Variants in GATAD2B observed in about 807,000 individuals in gnomAD.
GATAD2B encodes the protein GATA zinc finger domain containing 2B.
In GATAD2B, 8 loss-of-function variants were observed where a neutral mutation model predicts 64.3. The observed-to-expected ratio is 0.12, with a 90% CI of 0.07 to 0.22. GATAD2B has a LOEUF of 0.22. Among genes scored for constraint, GATAD2B ranks in the 10% least tolerant of loss-of-function variants. The probability of loss-of-function intolerance (pLI) is 1.00; values close to 1 mark genes in which losing one functional copy is unlikely to be tolerated. For missense variants in GATAD2B, 453 were observed against 752.0 expected (o/e 0.60, Z 4.65); for synonymous variants, 281 against 271.3 (o/e 1.04, Z -0.35).
chr1:153,821,290 T>TG (rs1374328744), intron 2 of GATAD2B, among the ~76,000 whole-genome samples: 1 of 152,038 alleles, frequency 6.6e-6, no homozygotes, highest in Non-Finnish European at 1.5e-5. Flanking sequence ...AGCCAGGACA[T>TG]GGATACTTTT....
chr1:153,903,392 C>A (rs937461398), intron 1 of GATAD2B, among the ~76,000 whole-genome samples: 1 of 152,122 alleles, frequency 6.6e-6, no homozygotes, highest in Non-Finnish European at 1.5e-5. Context: ...AAACTCATAT[C>A]ATTGCTCAGA....
intron 1 of GATAD2B, among the ~76,000 whole-genome samples, chr1:153,915,155 G>A (rs905676322): frequency 6.6e-6 from 1 of 152,044 alleles, no homozygotes; most frequent in South Asian, 2.1e-4. Context: ...CCCGGGAGGC[G>A]GTGGCTCACG....
chr1:153,857,564 T>C (rs553004133), intron 1 of GATAD2B, among the ~76,000 whole-genome samples: 1 of 152,256 alleles, frequency 6.6e-6, no homozygotes, highest in Non-Finnish European at 1.5e-5. Flanking sequence ...TTCACATTGA[T>C]AAAATATGTA....
Position 153,809,236 on chromosome 1 carries a change from A to C in GATAD2B, c.*941T>G, listed in dbSNP as rs1674207033. ...TTAAAAGCAGGGTGGGGTGAGGGAG[A>C]ATTTTACAAAGAATACAAGATGAAA... On this transcript the variant is annotated 3_prime_UTR_variant, in exon 11 of 11. Coordinates refer to ENST00000368655, the MANE Select transcript of GATAD2B (RefSeq NM_020699.4). 1 of 152,106 alleles carries C rather than the reference A, an allele frequency of 6.6e-6. No individual in the cohort carries two copies. Among genetic ancestry groups the C allele is most frequent in the African/African-American group, 2.4e-5 (1 of 41,398 alleles). 9.4% of individuals were successfully genotyped at this position (152,106 alleles called of 1,614,324 possible). A position where few individuals can be genotyped will look rare whatever the true frequency, so the allele number is the denominator to read the frequency against.
chr1:153,864,626 GAGA>G (rs1174306843), intron 1 of GATAD2B, among the ~76,000 whole-genome samples: 2 of 151,782 alleles, frequency 1.3e-5, no homozygotes, highest in Admixed American at 6.6e-5. Context: ...AAGAAAGAAA[GAGA>G]AGAAGAAAAG....
At chr1:153,916,871 C>A (rs1571012557) in intron 1 of GATAD2B, among the ~76,000 whole-genome samples, 1 of 152,168 alleles carries the variant, frequency 6.6e-6, no homozygotes, top group South Asian at 2.1e-4. Context: ...CACAGTGGCA[C>A]AATCTCGGCT....
chr1:153,822,685 G>A (rs768435502), intron 2 of GATAD2B, among the ~76,000 whole-genome samples: 15 of 152,126 alleles, frequency 9.9e-5, no homozygotes, highest in Admixed American at 2.0e-4. Flanking sequence ...TGTATTTAGA[G>A]ACGGGGTTTC....
chr1:153,880,817 T>G (rs186587641), intron 1 of GATAD2B, among the ~76,000 whole-genome samples: 36 of 152,004 alleles, frequency 2.4e-4, no homozygotes, highest in Middle Eastern at 3.4e-3. Flanking sequence ...GCACTCCAGC[T>G]TGGGTGACAG....
intron 1 of GATAD2B, among the ~76,000 whole-genome samples, chr1:153,897,936 A>G (rs1053848305): frequency 2.7e-5 from 4 of 150,708 alleles, no homozygotes; most frequent in Non-Finnish European, 1.5e-5. Context: ...GCTTGAAGCT[A>G]GGAGTTCTAG....
At chr1:153,854,623 T>C (rs1395237490) in intron 1 of GATAD2B, among the ~76,000 whole-genome samples, 2 of 152,244 alleles carry the variant, frequency 1.3e-5, no homozygotes, top group African/African-American at 4.8e-5. Flanking sequence ...TTACATTTCA[T>C]CCAGCATTAC....
At chr1:153,829,521 A>T (rs887254551) in intron 1 of GATAD2B, among the ~76,000 whole-genome samples, 1 of 151,720 alleles carries the variant, frequency 6.6e-6, no homozygotes, top group Non-Finnish European at 1.5e-5. Flanking sequence ...GTGGATCACG[A>T]GGTCAGGAGT....
rs937291411 is a variant in GATAD2B, at chr1:153,810,024, T to C, written c.*153A>G. 2.8e-6 allele frequency: 2 copies of C among 703,642 alleles called. No individual in the cohort carries two copies. The highest frequency in any genetic ancestry group is 3.7e-5 in the African/African-American group (2 of 54,084). 43.6% of individuals were successfully genotyped at this position (703,642 alleles called of 1,614,324 possible). On this transcript the variant is annotated 3_prime_UTR_variant, in exon 11 of 11. Coordinates refer to ENST00000368655, the MANE Select transcript of GATAD2B (RefSeq NM_020699.4). ...GTGGCAGGGCAGGGCGTGTGTTTTC[T>C]TGCTGATCTCTATTTTTTGTCTTCT...
intron 1 of GATAD2B, among the ~76,000 whole-genome samples, chr1:153,883,047 G>C (rs1463417980): frequency 6.6e-6 from 1 of 152,020 alleles, no homozygotes; most frequent in African/African-American, 2.4e-5. Flanking sequence ...AGGGGGGAGG[G>C]ATTTTCTTAC....
chr1:153,815,081 C>CA (rs58874063), intron 7 of GATAD2B, among the ~76,000 whole-genome samples: 259 of 25,360 alleles, frequency 0.01, 29 homozygotes, highest in African/African-American at 0.035. Context: ...GACTCTGTCT[C>CA]AAAAAAAAAA....
At chr1:153,843,897 G>A (rs61803659) in intron 1 of GATAD2B, among the ~76,000 whole-genome samples, 3 of 151,544 alleles carry the variant, frequency 2.0e-5, no homozygotes, top group Non-Finnish European at 2.9e-5. Context: ...AATGGACAGT[G>A]ATCCCAGAGT....
At chr1:153,868,303 A>G (rs980879565) in intron 1 of GATAD2B, among the ~76,000 whole-genome samples, 1 of 152,174 alleles carries the variant, frequency 6.6e-6, no homozygotes, top group Non-Finnish European at 1.5e-5. Context: ...TATGAAAAAT[A>G]TTTTCCAAAA....
At chr1:153,905,283 G>A (rs1252249080) in intron 1 of GATAD2B, among the ~76,000 whole-genome samples, 2 of 151,972 alleles carry the variant, frequency 1.3e-5, no homozygotes, top group Non-Finnish European at 2.9e-5. Context: ...GGCTGAGACA[G>A]GGAGAATCTC....
intron 1 of GATAD2B, among the ~76,000 whole-genome samples, chr1:153,859,907 C>CTTTT (rs34557576): frequency 2.1e-4 from 13 of 60,876 alleles, no homozygotes; most frequent in East Asian, 1.5e-3. Flanking sequence ...CTTTTCTTTT[C>CTTTT]TTTTTTTTTT....
intron 1 of GATAD2B, among the ~76,000 whole-genome samples, chr1:153,892,381 A>C (rs900442372): frequency 6.6e-5 from 10 of 152,228 alleles, no homozygotes; most frequent in Admixed American, 5.9e-4. Context: ...AATATTAAAC[A>C]TACTAATAAG....
Sources: gnomAD v4.1 joint callset for allele counts (sites outside exome capture counted in the v4.1 genomes callset) on GRCh38, gnomAD v4.1.1 for gene constraint, MANE v1.5 for transcripts, NCBI Gene and HGNC (gene_info 2026-07-23, HGNC 2026-07-21) for gene names.